TTLL10: variants seen among roughly 807,000 people sequenced by gnomAD.
The protein encoded by TTLL10 is inactive polyglycylase TTLL10.
A neutral mutation model predicts 69.0 loss-of-function variants in TTLL10; 61 were observed. That is an observed-to-expected ratio of 0.88 (90% CI 0.72 to 1.09). The LOEUF (loss-of-function observed/expected upper bound fraction) is 1.09, where lower values mean the gene tolerates loss of function less well. Among genes scored for constraint, TTLL10 ranks in the 50% least tolerant of loss-of-function variants. The pLI is 0.00. For synonymous variants in TTLL10, 408 were observed against 393.3 expected (o/e 1.04, Z -0.44); for missense variants, 962 against 945.9 (o/e 1.02, Z -0.22).
chr1:1,185,210 G>A lies in TTLL10; in HGVS notation c.1401+101G>A. 6.5e-7 allele frequency: 1 copy of A among 1,538,696 alleles called. No individual in the cohort carries two copies. Among genetic ancestry groups the A allele is most frequent in the Non-Finnish European group, 8.8e-7 (1 of 1,142,480 alleles). ...CACACAGATGTCCGTGGCGTGCGTG[G>A]GCGGCTGCGCTGAAGTGTGACCTGA... On this transcript the variant is annotated intron_variant, in intron 13 of 15. Transcript: ENST00000379289. The surrounding 1 kb of genome is among the most constrained non-coding windows in gnomAD (Gnocchi z 6.1).
At chr1:1,176,348 G>A (rs945981355) in intron 3 of TTLL10, 7 of 452,106 alleles carry the variant, frequency 1.5e-5, no homozygotes, top group African/African-American at 1.4e-4. Context: ...GTGGAGAGAG[G>A]CTGACGCTGT....
At chr1:1,192,967 GT>G (rs1390690973) in intron 13 of TTLL10, among the ~76,000 whole-genome samples, 3 of 152,298 alleles carry the variant, frequency 2.0e-5, no homozygotes, top group African/African-American at 7.2e-5. Context: ...GGTATATCAT[GT>G]TTTTTTAAGA....
At position 1,181,926 on chromosome 1, in the gene TTLL10, G is replaced by C. The variant is rs745749619; in HGVS notation, c.830+111G>C. On this transcript the variant is annotated intron_variant, in intron 9 of 15. Coordinates refer to ENST00000379289, the MANE Select transcript of TTLL10 (RefSeq NM_001130045.2). The surrounding 1 kb of genome is among the most constrained non-coding windows in gnomAD (Gnocchi z 4.6). ...GGGGTCCCACACAAAGGAAAACCACGAGCTAGAGTCAGAGGTTCAGCCAGG... is the reference window on the plus strand; with the variant it reads ...GGGGTCCCACACAAAGGAAAACCACCAGCTAGAGTCAGAGGTTCAGCCAGG... 2 of 1,024,990 alleles carry C rather than the reference G, an allele frequency of 2.0e-6. No individual in the cohort carries two copies. Among genetic ancestry groups the C allele is most frequent in the East Asian group, 2.6e-5 (1 of 38,328 alleles). The allele number at this position is 1,024,990 out of a possible 1,614,324, so 63.5% of individuals were successfully genotyped here.
In TTLL10 at chr1:1,185,837, C is replaced by T. The variant is rs1006836243; in HGVS notation, c.1401+728C>T. ...AAACTCTCTCTTAATTGCGATAATT[C>T]ACAGAACATAAAATTCACGATCTTA... On this transcript the variant is annotated intron_variant, in intron 13 of 15. Coordinates refer to ENST00000379289, the MANE Select transcript of TTLL10 (RefSeq NM_001130045.2). This position sits in a 1 kb window ranked among gnomAD's most constrained non-coding sequence, Gnocchi z 6.1. 1 of 985,274 alleles carries T rather than the reference C, an allele frequency of 1.0e-6. No homozygotes were observed. The highest frequency in any genetic ancestry group is 1.2e-6 in the Non-Finnish European group (1 of 829,790). 61.0% of individuals were successfully genotyped at this position (985,274 alleles called of 1,614,324 possible). A position where few individuals can be genotyped will look rare whatever the true frequency, so the allele number is the denominator to read the frequency against.
chr1:1,194,433 G>T (rs1329202878), intron 13 of TTLL10, among the ~76,000 whole-genome samples: 1 of 152,154 alleles, frequency 6.6e-6, no homozygotes, highest in African/African-American at 2.4e-5. Context: ...ATTACACAAT[G>T]ACCTTTTCTG....
chr1:1,176,500 A>T (rs1646876732), intron 3 of TTLL10: 2 of 432,070 alleles, frequency 4.6e-6, no homozygotes, highest in South Asian at 3.3e-5. Flanking sequence ...GGAGGGACGG[A>T]TGTCTCCTCA....
Position 1,181,123 on chromosome 1 carries a change from C to A in TTLL10, c.755+263C>A, listed in dbSNP as rs1190304831. Among the ~76,000 whole-genome samples the A allele has an allele frequency of 6.7e-6, 1 of 149,938 alleles. No individual in the cohort carries two copies. Among genetic ancestry groups the A allele is most frequent in the Non-Finnish European group, 1.5e-5 (1 of 67,554 alleles). On this transcript the variant is annotated intron_variant, in intron 8 of 15. Transcript: ENST00000379289. This position sits in a 1 kb window ranked among gnomAD's most constrained non-coding sequence, Gnocchi z 4.6. ...TCCACCTGTCCTTTAAAGGGCCAAA[C>A]CCCTGTCCCATAAACCCACCCTCTT...
chr1:1,175,937 A>G (rs576931371), intron 3 of TTLL10: 8 of 429,268 alleles, frequency 1.9e-5, no homozygotes, highest in South Asian at 1.3e-4. Context: ...GTGCAGGTGG[A>G]GAGAGGCTGA....
chr1:1,178,602 G>A (rs1166028196), intron 3 of TTLL10, among the ~76,000 whole-genome samples: 1 of 151,890 alleles, frequency 6.6e-6, no homozygotes, highest in East Asian at 1.9e-4. Context: ...GCAGCCCCAA[G>A]ATGGGTTTGT....
intron 13 of TTLL10, among the ~76,000 whole-genome samples, chr1:1,186,390 T>C (rs537154624): frequency 2.0e-5 from 3 of 152,198 alleles, no homozygotes; most frequent in African/African-American, 4.8e-5. Context: ...CACCCAGCCA[T>C]GTATCCCTTT....
intron 3 of TTLL10, among the ~76,000 whole-genome samples, chr1:1,178,478 T>G (rs909007933): frequency 6.6e-6 from 1 of 151,802 alleles, no homozygotes; most frequent in Non-Finnish European, 1.5e-5. Context: ...GGAGAATCGC[T>G]TGAACCTGGG....
rs1239719318 is a variant in TTLL10 at position 1,192,795 on chromosome 1, GGT to G, written c.1402-3804_1402-3803del. 2.6e-5 allele frequency among the ~76,000 whole-genome samples: 3 copies of G among 113,532 alleles called. No individual in the cohort carries two copies. The East Asian group carries it at 2.4e-3, about 92-fold the overall frequency. 74.5% of individuals were successfully genotyped at this position (113,532 alleles called of 152,430 possible). A position where few individuals can be genotyped will look rare whatever the true frequency, so the allele number is the denominator to read the frequency against. ...TCATATCAGTGTAGACACTCCAGTT[GGT>G]ATGAGTGTAGACACTCCAGTTGGTA... On this transcript the variant is annotated intron_variant, in intron 13 of 15. Coordinates refer to ENST00000379289, the MANE Select transcript of TTLL10 (RefSeq NM_001130045.2).
At chr1:1,177,318 C>CT (rs546851646) in intron 3 of TTLL10, among the ~76,000 whole-genome samples, 11,863 of 147,314 alleles carry the variant, frequency 0.081, 632 homozygotes, top group South Asian at 0.24. Flanking sequence ...GTGTGTCATT[C>CT]TTTTTTTTTT....
intron 3 of TTLL10, among the ~76,000 whole-genome samples, chr1:1,177,258 GTGTC>G (rs1646906933): frequency 1.3e-5 from 2 of 152,026 alleles, no homozygotes; most frequent in South Asian, 4.1e-4. Flanking sequence ...ATGTCTGTGT[GTGTC>G]TGTGTGTAGC....
intron 13 of TTLL10, among the ~76,000 whole-genome samples, chr1:1,187,167 A>G (rs1289614740): frequency 6.6e-6 from 1 of 151,992 alleles, no homozygotes; most frequent in Non-Finnish European, 1.5e-5. Flanking sequence ...ACATATTCTA[A>G]ACACTAGGCC....
chr1:1,180,524 A>G lies in TTLL10; in HGVS notation c.548A>G (p.His183Arg), dbSNP rs1240342446. 1.3e-6 allele frequency: 2 copies of G among 1,548,766 alleles called. No homozygotes were observed. The highest frequency in any genetic ancestry group is 1.2e-5 in the South Asian group (1 of 83,974). Residue 183 changes from histidine (H) to arginine (R), a missense_variant, in exon 7 of 16, where the codon CAT (histidine) becomes CGT (arginine). Transcript: ENST00000379289. ...AAAAGCAAGGGCTGGCAGCGCATCC[A>G]TGACAGCCGCCGGGACGACTACACG... Reference protein sequence around the residue: ...YCKSKGWQRIHDSRRDDYTLK... With the variant: ...YCKSKGWQRIRDSRRDDYTLK...
chr1:1,197,719 G>C lies in TTLL10; in HGVS notation c.1894G>C (p.Ala632Pro), dbSNP rs200200135. Reference protein sequence around the residue: ...PRPPGPDLDSAHDGEPQAPGT... With the variant: ...PRPPGPDLDSPHDGEPQAPGT... ...GCCACCCGGCCCCGACCTGGACAGC[G>C]CCCACGATGGGGAGCCCCAGGCCCC... The change falls in exon 16 of 16, where the codon GCC becomes CCC. Residue 632 changes from alanine to proline, a missense_variant. Coordinates refer to ENST00000379289, the MANE Select transcript of TTLL10 (RefSeq NM_001130045.2). 7,520 of 1,530,088 alleles carry C rather than the reference G, an allele frequency of 4.9e-3. 31 individuals are homozygous for C. The highest frequency in any genetic ancestry group is 5.6e-3 in the Non-Finnish European group (6,411 of 1,141,844). The allele number at this position is 1,530,088 out of a possible 1,614,324, so 94.8% of individuals were successfully genotyped here. A position where few individuals can be genotyped will look rare whatever the true frequency, so the allele number is the denominator to read the frequency against.
rs377618504 is a variant in TTLL10, at chr1:1,180,155, C to G, written c.321C>G (p.Ala107=). ...CGPDLEGAER[A]SATPGPPGLL... is the part of the protein sequence containing the mutation. The stretch of plus-strand genomic sequence containing the variant: ...CGGACCTGGAGGGGGCAGAAAGAGC[C>G]TCTGCCACACCCGGACCCCCTGGGC... Residue 107 remains alanine (A), a synonymous_variant, in exon 6 of 16, where the codon GCC becomes GCG. Coordinates refer to ENST00000379289, the MANE Select transcript of TTLL10 (RefSeq NM_001130045.2). The G allele has an allele frequency of 5.6e-6, 9 of 1,611,246 alleles. No homozygotes were observed. Among genetic ancestry groups the G allele is most frequent in the Non-Finnish European group, 7.6e-6 (9 of 1,179,444 alleles).
chr1:1,180,852 C>T lies in TTLL10; in HGVS notation c.747C>T (p.Val249=). 6.4e-7 allele frequency: 1 copy of T among 1,569,376 alleles called. No individual in the cohort carries two copies. The highest frequency in any genetic ancestry group is 8.6e-7 in the Non-Finnish European group (1 of 1,158,070). The change falls in exon 8 of 16, where the codon GTC becomes GTT. Residue 249 remains valine (V), a synonymous_variant. Coordinates refer to ENST00000379289, the MANE Select transcript of TTLL10 (RefSeq NM_001130045.2). ...MSKASKVPGG[V]QARLEKDAAA... is the part of the protein sequence containing the mutation. Reference sequence around the variant, plus strand: ...AGGCCAGCAAGGTGCCGGGGGGGGTCCAGGCCAGGTGAGTCTGCCCCTGCC... The same window carrying T: ...AGGCCAGCAAGGTGCCGGGGGGGGTTCAGGCCAGGTGAGTCTGCCCCTGCC...
Sources: allele counts gnomAD v4.1 joint callset (sites outside exome capture counted in the v4.1 genomes callset), GRCh38; gene constraint gnomAD v4.1.1; non-coding constraint Gnocchi (gnomAD v3.1); transcripts MANE v1.5; gene names NCBI Gene and HGNC (gene_info 2026-07-23, HGNC 2026-07-21).